TJP2: variants seen among roughly 807,000 people sequenced by gnomAD.
TJP2 encodes the protein Friedreich ataxia region gene X104 (tight junction protein ZO-2).
In TJP2, 91 loss-of-function variants were observed where a neutral mutation model predicts 133.1. The ratio of observed to expected loss-of-function variants is 0.68; its 90% confidence interval spans 0.58 to 0.81. TJP2 has a LOEUF of 0.81. Among genes scored for constraint, TJP2 ranks in the 40% least tolerant of loss-of-function variants. TJP2 has a pLI of 0.00. For missense variants in TJP2, 1,541 were observed against 1,565.6 expected (o/e 0.98, Z 0.26); for synonymous variants, 592 against 583.4 (o/e 1.01, Z -0.21).
At chr9:69,249,343 TC>T (rs776197930) in intron 19 of TJP2, 31 bp from the exon 20 acceptor site, 18 of 1,581,048 alleles carry the variant, frequency 1.1e-5, no homozygotes, top group Non-Finnish European at 1.5e-5. Flanking sequence ...GCTTGGATGT[TC>T]TTGTTGTGAA....
chr9:69,194,926 C>T (rs1032954796), intron 1 of TJP2, among the ~76,000 whole-genome samples: 19 of 152,104 alleles, frequency 1.2e-4, no homozygotes, highest in African/African-American at 3.1e-4. Context: ...CTCAGGACTC[C>T]GTATGTAGGC....
intron 12 of TJP2, among the ~76,000 whole-genome samples, chr9:69,235,414 C>T (rs2133378291): frequency 6.6e-6 from 1 of 152,074 alleles, no homozygotes; most frequent in African/African-American, 2.4e-5. Context: ...GCTCTGCCTC[C>T]CAGGTTCACC....
chr9:69,156,815 G>A (rs1823794151), intron 2 of TJP2, among the ~76,000 whole-genome samples: 2 of 152,082 alleles, frequency 1.3e-5, no homozygotes, highest in South Asian at 4.1e-4. Flanking sequence ...CACCGCGCCC[G>A]GCCAATACAT....
At chr9:69,161,497 G>A (rs1489549137) in intron 2 of TJP2, among the ~76,000 whole-genome samples, 1 of 152,076 alleles carries the variant, frequency 6.6e-6, no homozygotes, top group Non-Finnish European at 1.5e-5. Context: ...AAAGTGCTGG[G>A]ATTACAGGCA....
chr9:69,154,328 G>A (rs934356345), intron 2 of TJP2, among the ~76,000 whole-genome samples: 3 of 152,220 alleles, frequency 2.0e-5, no homozygotes, highest in Non-Finnish European at 4.4e-5. Context: ...GATTGGCAAT[G>A]TCCGGCGTGG....
rs780057792 is a variant in TJP2, at chr9:69,218,246, C to T, written c.240-11C>T. The stretch of plus-strand genomic sequence containing the variant: ...AGTTTTTCATGACCCATTTTTATTT[C>T]TTGTTTACAGAGAAAATGACAGAGT... On this transcript the variant is annotated splice_polypyrimidine_tract_variant and intron_variant, in intron 3 of 22. Coordinates refer to ENST00000377245, the MANE Select transcript of TJP2 (RefSeq NM_004817.4). 4 of 1,605,836 alleles carry T rather than the reference C, an allele frequency of 2.5e-6. No individual in the cohort carries two copies. The highest frequency in any genetic ancestry group is 2.2e-5 in the South Asian group (2 of 90,928).
At chr9:69,172,056 A>G (rs1824717751), upstream of TJP2, among the ~76,000 whole-genome samples, 2 of 152,108 alleles carry the variant, frequency 1.3e-5, no homozygotes, top group African/African-American at 4.8e-5. Context: ...CGACCTCCCA[A>G]AGTGCTGGGA....
intron 1 of TJP2, among the ~76,000 whole-genome samples, chr9:69,188,824 A>G (rs529553858): frequency 6.6e-6 from 1 of 152,316 alleles, no homozygotes; most frequent in South Asian, 2.1e-4. Context: ...CATAGCCTCC[A>G]GTTAGAAATG....
At chr9:69,138,360 T>A (rs1276821010) in intron 1 of TJP2, among the ~76,000 whole-genome samples, 1 of 151,778 alleles carries the variant, frequency 6.6e-6, no homozygotes, top group Non-Finnish European at 1.5e-5. Context: ...GCTGGTTTGC[T>A]ATAAAGTATA....
intron 7 of TJP2, among the ~76,000 whole-genome samples, chr9:69,227,015 G>A (rs1393758038): frequency 1.3e-5 from 2 of 152,148 alleles, no homozygotes; most frequent in African/African-American, 2.4e-5. Context: ...TGTAAAAATT[G>A]CCAATAAAAA....
intron 1 of TJP2, among the ~76,000 whole-genome samples, chr9:69,129,508 G>A (rs762843940): frequency 1.3e-5 from 2 of 150,206 alleles, no homozygotes; most frequent in South Asian, 4.2e-4. Context: ...AGAACCTGTC[G>A]CAAAAAACAA....
intron 2 of TJP2, among the ~76,000 whole-genome samples, chr9:69,213,150 G>A (rs977348027): frequency 7.1e-6 from 1 of 140,768 alleles, no homozygotes; most frequent in African/African-American, 2.7e-5. Flanking sequence ...CGCAACCTCC[G>A]CCTCCCGGGT....
Position 69,228,033 on chromosome 9 carries a change from C to T in TJP2, c.1372C>T (p.Pro458Ser). The change falls in exon 9 of 23, where the codon CCC becomes TCC. Residue 458 changes from proline (P) to serine (S), a missense_variant. Transcript: ENST00000377245. ...RLSRMGATPTPFKSTGDIAGT... is the reference protein window; with the variant it reads ...RLSRMGATPTSFKSTGDIAGT... ...GTCCAGGATGGGTGCGACACCCACT[C>T]CCTTTAAGTCCACAGGGGATATTGC... The T allele has an allele frequency of 6.2e-7, 1 of 1,614,044 alleles. No homozygotes were observed. Among genetic ancestry groups the T allele is most frequent in the East Asian group, 2.2e-5 (1 of 44,882 alleles).
chr9:69,179,105 G>C (rs1307027665), intron 1 of TJP2, among the ~76,000 whole-genome samples: 1 of 152,168 alleles, frequency 6.6e-6, no homozygotes, highest in Admixed American at 6.5e-5. Context: ...CATGCTCATG[G>C]CAGGCGAATG....
At chr9:69,245,561 T>TGGGCCATGTAGTGTGGTGGCTG (rs1196817792) in intron 17 of TJP2, among the ~76,000 whole-genome samples, 3 of 152,254 alleles carry the variant, frequency 2.0e-5, no homozygotes, top group Non-Finnish European at 2.9e-5. Flanking sequence ...TGTTTTTAGA[T>TGGGCCATGTAGTGTGGTGGCTG]GGGCCATGTA....
Position 69,210,062 on chromosome 9 carries a change from G to A in TJP2, c.61-2486G>A, listed in dbSNP as rs576193337. Among the ~76,000 whole-genome samples the A allele has an allele frequency of 1.3e-4, 20 of 152,118 alleles. No homozygotes were observed. The South Asian group carries it at 3.7e-3, about 28-fold the overall frequency. Reference sequence around the variant, plus strand: ...GGCATTTTGGGAGGCTAAGGCAGGCGGACCATTTGAGGTCAGGAGTTTGAG... The same window carrying A: ...GGCATTTTGGGAGGCTAAGGCAGGCAGACCATTTGAGGTCAGGAGTTTGAG... On this transcript the variant is annotated intron_variant, in intron 1 of 22. Transcript: ENST00000377245.
At chr9:69,201,080 C>A (rs1288100277) in intron 1 of TJP2, among the ~76,000 whole-genome samples, 3 of 152,132 alleles carry the variant, frequency 2.0e-5, no homozygotes, top group African/African-American at 7.2e-5. Context: ...ATTGTAATTG[C>A]TTGTTTACAC....
chr9:69,222,322 G>A (rs1279136343), intron 5 of TJP2, among the ~76,000 whole-genome samples: 2 of 150,928 alleles, frequency 1.3e-5, no homozygotes, highest in African/African-American at 4.9e-5. Context: ...GATTATAGGT[G>A]CCTGCCACCA....
At chr9:69,170,582 C>T (rs1824624465), upstream of TJP2, among the ~76,000 whole-genome samples, 3 of 152,158 alleles carry the variant, frequency 2.0e-5, no homozygotes, top group Non-Finnish European at 2.9e-5. Context: ...AACCTCCAGT[C>T]GTATCTTTCC....
Sources: allele counts gnomAD v4.1 joint callset (sites outside exome capture counted in the v4.1 genomes callset), GRCh38; gene constraint gnomAD v4.1.1; transcripts MANE v1.5; gene names NCBI Gene and HGNC (gene_info 2026-07-23, HGNC 2026-07-21).